AK5: variants seen among roughly 807,000 people sequenced by gnomAD.
The protein encoded by AK5 is adenylate kinase 5.
AK5 carries 27 observed loss-of-function variants against 69.5 expected under a neutral mutation model. That is an observed-to-expected ratio of 0.39 (90% CI 0.29 to 0.54). AK5 has a LOEUF of 0.54. AK5 is among the 20% of genes least tolerant of loss of function. The pLI, the probability that AK5 is intolerant of heterozygous loss-of-function variation, is 0.71. For missense variants in AK5, 531 were observed against 700.4 expected, an observed-to-expected ratio of 0.76 and a Z score of 2.73; for synonymous variants, 260 against 244.4, an observed-to-expected ratio of 1.06 and a Z score of -0.60.
chr1:77,480,334 C>T (rs1275216311), intron 8 of AK5, among the ~76,000 whole-genome samples: 1 of 152,144 alleles, frequency 6.6e-6, no homozygotes, highest in Non-Finnish European at 1.5e-5. Flanking sequence ...AGCCTGTTCA[C>T]TATTGATGAA....
In AK5 at chr1:77,282,446, C is replaced by T. The variant is rs1395170289; in HGVS notation, c.60+73C>T. ...TCAGGGGTTCGGGTTGAGGCAGCCG[C>T]GCCCCGTCCCACCTTCCCCACACGG... On this transcript the variant is annotated intron_variant, in intron 1 of 13. Transcript: ENST00000354567. 4 of 1,493,716 alleles carry T rather than the reference C, an allele frequency of 2.7e-6. No homozygotes were observed. The African/African-American group carries it at 5.6e-5, about 21-fold the overall frequency. The allele number at this position is 1,493,716 out of a possible 1,614,324, so 92.5% of individuals were successfully genotyped here. A position where few individuals can be genotyped will look rare whatever the true frequency, so the allele number is the denominator to read the frequency against.
chr1:77,515,123 T>C (rs1032595188), intron 10 of AK5, among the ~76,000 whole-genome samples: 7 of 152,192 alleles, frequency 4.6e-5, no homozygotes, highest in Admixed American at 6.5e-5. Flanking sequence ...CTGCATTATT[T>C]TGGGGAGCCT....
At chr1:77,546,143 C>T (rs1659533897) in intron 13 of AK5, among the ~76,000 whole-genome samples, 1 of 152,082 alleles carries the variant, frequency 6.6e-6, no homozygotes, top group Non-Finnish European at 1.5e-5. Context: ...GTGTCTCCTC[C>T]CCAAACAGCA....
intron 6 of AK5, among the ~76,000 whole-genome samples, chr1:77,370,661 T>G (rs1321999482): frequency 6.6e-6 from 1 of 152,242 alleles, no homozygotes; most frequent in African/African-American, 2.4e-5. Flanking sequence ...TCCCATTTAG[T>G]ACAGTCTCTT....
intron 6 of AK5, among the ~76,000 whole-genome samples, chr1:77,368,302 A>ATATATGTTATATATC (rs1491255131): frequency 3.1e-5 from 3 of 98,198 alleles, no homozygotes; most frequent in African/African-American, 1.1e-4. Context: ...TGTTATATAT[A>ATATATGTTATATATC]ATATATATGT....
At chr1:77,455,610 C>T (rs57744162) in intron 8 of AK5, among the ~76,000 whole-genome samples, 6,939 of 152,186 alleles carry the variant, frequency 0.046, 398 homozygotes, top group East Asian at 0.19. Context: ...GCATCCAGAA[C>T]GGTGAGCTAT....
At chr1:77,289,659 A>C (rs1658567943) in intron 2 of AK5, among the ~76,000 whole-genome samples, 1 of 152,168 alleles carries the variant, frequency 6.6e-6, no homozygotes, top group African/African-American at 2.4e-5. Context: ...ATGTGTCAAT[A>C]GAGAATGGTA....
intron 10 of AK5, among the ~76,000 whole-genome samples, chr1:77,514,966 C>T (rs2100300466): frequency 6.6e-6 from 1 of 152,320 alleles, no homozygotes; most frequent in African/African-American, 2.4e-5. Flanking sequence ...CCACTTGCAC[C>T]CCTTAGTCAT....
At chr1:77,307,910 G>A (rs1046889727) in intron 5 of AK5, among the ~76,000 whole-genome samples, 3 of 152,126 alleles carry the variant, frequency 2.0e-5, no homozygotes, top group Non-Finnish European at 4.4e-5. Context: ...TTTCATGAAG[G>A]TGTTTTTTCT....
At chr1:77,430,649 TAA>T (rs1651576209) in intron 8 of AK5, among the ~76,000 whole-genome samples, 1 of 152,112 alleles carries the variant, frequency 6.6e-6, no homozygotes, top group Admixed American at 6.5e-5. Flanking sequence ...CGAGGAAATT[TAA>T]AGTCTTAGTA....
At chr1:77,332,889 A>C (rs1351133249) in intron 5 of AK5, among the ~76,000 whole-genome samples, 1 of 151,986 alleles carries the variant, frequency 6.6e-6, no homozygotes, top group African/African-American at 2.4e-5. Flanking sequence ...GCTCAGAAAG[A>C]TATATTAAAA....
At chr1:77,397,061 A>G (rs1648880974) in intron 6 of AK5, among the ~76,000 whole-genome samples, 1 of 152,246 alleles carries the variant, frequency 6.6e-6, no homozygotes, top group East Asian at 1.9e-4. Flanking sequence ...TAAAATCCCA[A>G]GAAAGCCTTC....
intron 6 of AK5, among the ~76,000 whole-genome samples, chr1:77,373,462 C>T (rs1570461874): frequency 6.6e-6 from 1 of 152,266 alleles, no homozygotes; most frequent in East Asian, 1.9e-4. Flanking sequence ...TGCGATTGCT[C>T]ATGCCTGTAA....
At chr1:77,495,018 G>A (rs917156370) in intron 10 of AK5, among the ~76,000 whole-genome samples, 2 of 151,964 alleles carry the variant, frequency 1.3e-5, no homozygotes, top group Non-Finnish European at 2.9e-5. Flanking sequence ...TCCTGACCTC[G>A]TGATCTGCCT....
chr1:77,298,417 C>G (rs528874974), intron 5 of AK5, among the ~76,000 whole-genome samples: 3 of 151,868 alleles, frequency 2.0e-5, no homozygotes, highest in Non-Finnish European at 4.4e-5. Flanking sequence ...TGCTCAACCC[C>G]CAATACATCT....
chr1:77,531,999 C>A (rs926202780), intron 12 of AK5: 1 of 139,334 alleles, frequency 7.2e-6, no homozygotes, highest in Non-Finnish European at 1.7e-5. Flanking sequence ...TCCGGCCGGC[C>A]GGCCGGCCGC....
intron 5 of AK5, among the ~76,000 whole-genome samples, chr1:77,310,305 A>C (rs1393178246): frequency 1.3e-5 from 2 of 152,138 alleles, no homozygotes; most frequent in African/African-American, 4.8e-5. Flanking sequence ...CACCAATATC[A>C]TGGTTCCAGT....
At chr1:77,459,931 TTAATC>T (rs1275868811) in intron 8 of AK5, among the ~76,000 whole-genome samples, 2 of 152,208 alleles carry the variant, frequency 1.3e-5, no homozygotes, top group African/African-American at 4.8e-5. Context: ...TTTATAATCT[TTAATC>T]TAGTATAATG....
chr1:77,527,460 T>A (rs1658352708), intron 12 of AK5, among the ~76,000 whole-genome samples: 1 of 152,220 alleles, frequency 6.6e-6, no homozygotes, highest in Admixed American at 6.5e-5. Flanking sequence ...AGAAGAAGCC[T>A]AACTAGAACT....
Sources: allele counts gnomAD v4.1 joint callset (sites outside exome capture counted in the v4.1 genomes callset), GRCh38; gene constraint gnomAD v4.1.1; transcripts MANE v1.5; gene names NCBI Gene and HGNC (gene_info 2026-07-23, HGNC 2026-07-21).